Variants in ATP13A4 observed in about 807,000 individuals in gnomAD.
ATP13A4 encodes the protein ATPase 13A4, also known as probable cation-transporting ATPase 13A4.
ATP13A4 carries 114 observed loss-of-function variants against 142.5 expected under a neutral mutation model. The ratio of observed to expected loss-of-function variants is 0.80; its 90% CI spans 0.69 to 0.93. The LOEUF (loss-of-function observed/expected upper bound fraction) is 0.93. Among genes scored for constraint, ATP13A4 ranks in the 40% least tolerant of loss-of-function variants. The probability of loss-of-function intolerance (pLI) is 0.00; values close to 1 mark genes in which losing one functional copy is unlikely to be tolerated. For synonymous variants in ATP13A4, 488 were observed against 514.8 expected, an observed-to-expected ratio of 0.95 and a Z score of 0.70; for missense variants, 1,392 against 1,454.0, an observed-to-expected ratio of 0.96 and a Z score of 0.69.
chr3:193,412,794 G>T (rs1052592872), intron 26 of ATP13A4, among the ~76,000 whole-genome samples: 2 of 70,752 alleles, frequency 2.8e-5, no homozygotes, highest in African/African-American at 5.9e-5. Context: ...AGGAGGCCGA[G>T]GTGGTTCACT....
chr3:193,449,594 A>G (rs1399003330), intron 17 of ATP13A4, among the ~76,000 whole-genome samples: 2 of 152,228 alleles, frequency 1.3e-5, no homozygotes, highest in African/African-American at 4.8e-5. Context: ...TTATCTTTCC[A>G]GCTTCAGCTA....
chr3:193,491,909 A>G (rs1394130836), intron 5 of ATP13A4, among the ~76,000 whole-genome samples: 1 of 152,200 alleles, frequency 6.6e-6, no homozygotes, highest in Non-Finnish European at 1.5e-5. Context: ...ACACATAATT[A>G]TTCAGCTTTT....
chr3:193,510,500 C>G (rs1721085114), intron 2 of ATP13A4, among the ~76,000 whole-genome samples: 1 of 152,140 alleles, frequency 6.6e-6, no homozygotes, highest in South Asian at 2.1e-4. Context: ...GAATTCAAAA[C>G]AATGCATATA....
At chr3:193,470,691 A>T (rs1378622589) in intron 9 of ATP13A4, among the ~76,000 whole-genome samples, 168 bp downstream of exon 9, 1 of 152,246 alleles carries the variant, frequency 6.6e-6, no homozygotes, top group African/African-American at 2.4e-5. Context: ...CCTCAGATCC[A>T]TTCGCAGCAG....
rs929041123 is a variant in ATP13A4 at position 193,407,346 on chromosome 3, G to A, written c.3345C>T (p.Leu1115=). Residue 1115 remains leucine, a synonymous_variant, in exon 29 of 30, where the codon CTC becomes CTT. Coordinates refer to ENST00000342695, the MANE Select transcript of ATP13A4 (RefSeq NM_032279.4). The stretch of plus-strand genomic sequence containing the variant: ...CAAGGGACACAATGAAATTCAAGCT[G>A]AGCATGATGACAATGGAGGCCCTCC... The part of the protein sequence containing the change: ...VLWRASIVIM[L]SLNFIVSLVA... 1.2e-6 allele frequency: 2 copies of A among 1,613,500 alleles called. No homozygotes were observed. The highest frequency in any genetic ancestry group is 8.5e-7 in the Non-Finnish European group (1 of 1,179,688).
intron 25 of ATP13A4, among the ~76,000 whole-genome samples, chr3:193,419,690 G>T (rs183868458): frequency 1.3e-5 from 2 of 150,164 alleles, no homozygotes; most frequent in East Asian, 4.2e-4. Context: ...CCAGGGAAAA[G>T]CACTGGCTGA....
chr3:193,465,888 G>T (rs1331563276), intron 11 of ATP13A4, 137 bp downstream of exon 11: 1 of 965,592 alleles, frequency 1.0e-6, no homozygotes, highest in Non-Finnish European at 1.6e-6. Flanking sequence ...GGATCTGGAA[G>T]TCTATACGTA....
chr3:193,454,021 C>T, intron 17 of ATP13A4, 80 bp downstream of exon 17: 1 of 1,212,332 alleles, frequency 8.2e-7, no homozygotes, highest in South Asian at 1.2e-5. Flanking sequence ...AAGTCCATCC[C>T]AGTCTAATGC....
chr3:193,512,198 A>G (rs988421548), intron 2 of ATP13A4, among the ~76,000 whole-genome samples: 2 of 152,188 alleles, frequency 1.3e-5, no homozygotes, highest in African/African-American at 2.4e-5. Flanking sequence ...CTTGTAGAGT[A>G]CAGTTAAATT....
chr3:193,447,400 T>C (rs1576971989), intron 18 of ATP13A4, among the ~76,000 whole-genome samples: 2 of 152,244 alleles, frequency 1.3e-5, no homozygotes, highest in Admixed American at 1.3e-4. Flanking sequence ...AGTTTGCAAC[T>C]GTAGAATTGG....
At chr3:193,539,967 T>A (rs1560268908) in intron 1 of ATP13A4, among the ~76,000 whole-genome samples, 1 of 152,188 alleles carries the variant, frequency 6.6e-6, no homozygotes, top group Non-Finnish European at 1.5e-5. Flanking sequence ...AGACCTTGTA[T>A]AATAGTTCAG....
Position 193,402,179 on chromosome 3 carries a change from C to T in ATP13A4, c.*473G>A, listed in dbSNP as rs1714286002. 6.2e-6 allele frequency: 1 copy of T among 161,606 alleles called. No individual in the cohort carries two copies. Among genetic ancestry groups the T allele is most frequent in the African/African-American group, 2.4e-5 (1 of 41,494 alleles). The allele number at this position is 161,606 out of a possible 1,614,324, so 10.0% of individuals were successfully genotyped here. On this transcript the variant is annotated 3_prime_UTR_variant, in exon 30 of 30. Coordinates refer to ENST00000342695, the MANE Select transcript of ATP13A4 (RefSeq NM_032279.4). ...GAAAAAGCCTCAAATCTGAAAAGTA[C>T]TACAGAGAAAAGGAACCCAGACAGT...
At chr3:193,474,322 CAAA>C (rs1176133187) in intron 8 of ATP13A4, among the ~76,000 whole-genome samples, 6 of 69,068 alleles carry the variant, frequency 8.7e-5, no homozygotes, top group South Asian at 1.1e-3. Flanking sequence ...GACTCCGTCT[CAAA>C]AAAAAAAAAA....
chr3:193,464,952 G>C lies in ATP13A4; in HGVS notation c.1449C>G (p.Val483=). ...GAAACACACATACCTTGTCAAAGCAGACAAGGTTTAACTGTCCACATACGT... is the reference window on the plus strand; with the variant it reads ...GAAACACACATACCTTGTCAAAGCACACAAGGTTTAACTGTCCACATACGT... ...RINVCGQLNL[V]CFDKTGTLTR... The change falls in exon 12 of 30, where the codon GTC becomes GTG. Residue 483 remains valine (V), a synonymous_variant. Coordinates refer to ENST00000342695, the MANE Select transcript of ATP13A4 (RefSeq NM_032279.4). The C allele has an allele frequency of 6.2e-7, 1 of 1,614,016 alleles. No individual in the cohort carries two copies.
chr3:193,492,832 A>G, intron 5 of ATP13A4, 85 bp downstream of exon 5: 1 of 999,166 alleles, frequency 1.0e-6, no homozygotes, highest in Admixed American at 1.8e-5. Flanking sequence ...ATATTAATCC[A>G]TTAAGATAAC....
chr3:193,455,591 G>A (rs1717561595), intron 16 of ATP13A4, among the ~76,000 whole-genome samples: 1 of 152,192 alleles, frequency 6.6e-6, no homozygotes, highest in African/African-American at 2.4e-5. Context: ...TGGTGGGAGT[G>A]TAAATTAGTT....
chr3:193,507,915 G>A (rs1045452967), intron 2 of ATP13A4, among the ~76,000 whole-genome samples: 1 of 152,186 alleles, frequency 6.6e-6, no homozygotes, highest in East Asian at 1.9e-4. Flanking sequence ...TGCCTGTTAT[G>A]AATTGAGTTG....
At chr3:193,580,053 A>G (rs142411883) in intron 2 of ATP13A4, among the ~76,000 whole-genome samples, 1 of 152,254 alleles carries the variant, frequency 6.6e-6, no homozygotes, top group East Asian at 1.9e-4. Flanking sequence ...GTTAAGGAAC[A>G]AAGTGGTAAA....
intron 25 of ATP13A4, among the ~76,000 whole-genome samples, chr3:193,417,304 C>T (rs548795015): frequency 6.6e-6 from 1 of 152,298 alleles, no homozygotes; most frequent in East Asian, 1.9e-4. Context: ...GTAAAGGTAA[C>T]TATATCAGCT....
Sources: gnomAD v4.1 joint callset for allele counts (sites outside exome capture counted in the v4.1 genomes callset) on GRCh38, gnomAD v4.1.1 for gene constraint, MANE v1.5 for transcripts, NCBI Gene and HGNC (gene_info 2026-07-23, HGNC 2026-07-21) for gene names.